HMGN3: variants seen among roughly 807,000 people sequenced by gnomAD.
HMGN3 encodes high mobility group nucleosome-binding domain-containing protein 3.
A neutral mutation model predicts 18.8 loss-of-function variants in HMGN3; 6 were observed. That is an observed-to-expected ratio of 0.32 (90% CI 0.18 to 0.63). HMGN3 has a LOEUF of 0.63. HMGN3 is among the 30% of genes least tolerant of loss of function. HMGN3 has a pLI of 0.79. For synonymous variants in HMGN3, 40 were observed against 36.5 expected, an observed-to-expected ratio of 1.10 and a Z score of -0.35; for missense variants, 107 against 114.2, an observed-to-expected ratio of 0.94 and a Z score of 0.29.
chr6:79,204,098 C>T (rs1032740542), intron 3 of HMGN3, among the ~76,000 whole-genome samples: 6 of 152,344 alleles, frequency 3.9e-5, no homozygotes, highest in African/African-American at 1.4e-4. Flanking sequence ...ATTTCAAAAT[C>T]ACTTCCAAAT....
chr6:79,218,707 T>C (rs1777114341), intron 1 of HMGN3, among the ~76,000 whole-genome samples: 1 of 152,198 alleles, frequency 6.6e-6, no homozygotes, highest in East Asian at 1.9e-4. Flanking sequence ...GACAAAGTCA[T>C]TGGTAAGAGT....
At chr6:79,230,904 C>T (rs1247402941) in intron 1 of HMGN3, among the ~76,000 whole-genome samples, 1 of 152,048 alleles carries the variant, frequency 6.6e-6, no homozygotes, top group Non-Finnish European at 1.5e-5. Context: ...TATCACAAAC[C>T]TTGATCATGG....
intron 3 of HMGN3, among the ~76,000 whole-genome samples, chr6:79,207,347 G>A (rs921458002): frequency 2.0e-5 from 3 of 152,132 alleles, no homozygotes; most frequent in South Asian, 4.1e-4. Context: ...ATTATGGGGC[G>A]GGTCTTTCCT....
chr6:79,215,663 C>T (rs193171147), intron 1 of HMGN3, among the ~76,000 whole-genome samples: 2 of 152,318 alleles, frequency 1.3e-5, no homozygotes, highest in East Asian at 1.9e-4. Flanking sequence ...CACCTGCCTC[C>T]TCTTGTAACA....
chr6:79,203,494 C>G, intron 4 of HMGN3, 86 bp downstream of exon 4: 1 of 1,134,658 alleles, frequency 8.8e-7, no homozygotes, highest in Non-Finnish European at 1.3e-6. Context: ...TCATTAAATA[C>G]GGCCTTTCTT....
chr6:79,227,889 G>A (rs1176062011), intron 1 of HMGN3, among the ~76,000 whole-genome samples: 1 of 152,084 alleles, frequency 6.6e-6, no homozygotes, highest in East Asian at 1.9e-4. Context: ...GTGCTATGGG[G>A]GATGAAAGGA....
chr6:79,228,691 C>T (rs1453839933), intron 1 of HMGN3, among the ~76,000 whole-genome samples: 1 of 152,116 alleles, frequency 6.6e-6, no homozygotes, highest in East Asian at 1.9e-4. Context: ...GATTTAAAAT[C>T]TTACTATAAA....
At chr6:79,221,433 G>T (rs1156919629) in intron 1 of HMGN3, among the ~76,000 whole-genome samples, 1 of 152,178 alleles carries the variant, frequency 6.6e-6, no homozygotes, top group African/African-American at 2.4e-5. Context: ...GTACTGAAGG[G>T]ATCAGAACTG....
intron 1 of HMGN3, among the ~76,000 whole-genome samples, chr6:79,221,957 C>T (rs1182156730): frequency 6.6e-6 from 1 of 151,122 alleles, no homozygotes; most frequent in Non-Finnish European, 1.5e-5. Flanking sequence ...TTCATTGGTA[C>T]ACATAGGCTC....
chr6:79,222,966 C>G (rs1777376350), intron 1 of HMGN3, among the ~76,000 whole-genome samples: 1 of 152,200 alleles, frequency 6.6e-6, no homozygotes, highest in East Asian at 1.9e-4. Context: ...GAAAATATTT[C>G]TCTTGCAATC....
chr6:79,228,262 G>A (rs1777657796), intron 1 of HMGN3, among the ~76,000 whole-genome samples: 1 of 152,056 alleles, frequency 6.6e-6, no homozygotes. Context: ...TACTCATTCA[G>A]GTTGAAAAAA....
At chr6:79,213,018 T>C (rs1244287972) in intron 2 of HMGN3, among the ~76,000 whole-genome samples, 2 of 151,630 alleles carry the variant, frequency 1.3e-5, no homozygotes, top group Non-Finnish European at 2.9e-5. Flanking sequence ...CAACCAAAAA[T>C]ACATAAAATA....
exon 6 of HMGN3, chr6:79,201,681 T>C: frequency 6.4e-7 from 1 of 1,567,990 alleles, no homozygotes; most frequent in East Asian, 2.2e-5. Flanking sequence ...CAATTTTTCA[T>C]GACAATTCAT....
chr6:79,206,300 C>T (rs1425567712), intron 3 of HMGN3, among the ~76,000 whole-genome samples: 2 of 152,164 alleles, frequency 1.3e-5, no homozygotes, highest in African/African-American at 2.4e-5. Flanking sequence ...CAGCCTCTCC[C>T]ATTACAGGCC....
chr6:79,218,389 A>T (rs951052668), intron 1 of HMGN3, among the ~76,000 whole-genome samples: 1 of 152,230 alleles, frequency 6.6e-6, no homozygotes, highest in African/African-American at 2.4e-5. Context: ...ATATATACTT[A>T]GCTAAAATTA....
Position 79,234,663 on chromosome 6 carries a change from C to G in HMGN3, c.-103G>C, listed in dbSNP as rs1778061202. 6.9e-6 allele frequency: 8 copies of G among 1,154,366 alleles called. 1 individual carries two copies. In the South Asian group the frequency reaches 9.1e-5, roughly 13 times the overall value. The allele number at this position is 1,154,366 out of a possible 1,614,324, so 71.5% of individuals were successfully genotyped here. On this transcript the variant is annotated 5_prime_UTR_variant, in exon 1 of 6. Transcript: ENST00000344726. Reference sequence around the variant, plus strand: ...TCTGCAGCTGCTCACGCGCAGGGCACGACGTAGCCCGGCCTCTTCGACCTG... The same window carrying G: ...TCTGCAGCTGCTCACGCGCAGGGCAGGACGTAGCCCGGCCTCTTCGACCTG...
At chr6:79,208,737 C>G (rs1185318855) in intron 2 of HMGN3, among the ~76,000 whole-genome samples, 161 bp from the exon 3 acceptor site, 3 of 152,130 alleles carry the variant, frequency 2.0e-5, no homozygotes, top group African/African-American at 7.2e-5. Flanking sequence ...TATCCCAAGT[C>G]CCCTGGGCAC....
exon 6 of HMGN3, chr6:79,201,563 A>G (rs1405691976): frequency 3.0e-6 from 2 of 672,092 alleles, no homozygotes; most frequent in East Asian, 5.1e-5. Flanking sequence ...GTCCATCCTT[A>G]TATATTTTCG....
intron 1 of HMGN3, among the ~76,000 whole-genome samples, chr6:79,215,518 A>G (rs1561993115): frequency 6.6e-6 from 1 of 152,124 alleles, no homozygotes; most frequent in Non-Finnish European, 1.5e-5. Context: ...TGAACTGACA[A>G]ATTTATCATA....
Sources: gnomAD v4.1 joint callset for allele counts (sites outside exome capture counted in the v4.1 genomes callset) on GRCh38, gnomAD v4.1.1 for gene constraint, MANE v1.5 for transcripts, NCBI Gene and HGNC (gene_info 2026-07-23, HGNC 2026-07-21) for gene names.